KCNH8: variants seen among roughly 807,000 people sequenced by gnomAD.
KCNH8 encodes potassium voltage-gated channel subfamily H member 8.
Under a neutral mutation model 103.6 loss-of-function variants are expected in KCNH8, and 70 were observed. The ratio of observed to expected loss-of-function variants is 0.68; its 90% CI spans 0.56 to 0.82. The LOEUF is 0.82. KCNH8 is among the 40% of genes least tolerant of loss of function. KCNH8 has a pLI of 0.00. For missense variants in KCNH8, 1,217 were observed against 1,329.9 expected (o/e 0.92, Z 1.32); for synonymous variants, 498 against 489.4 (o/e 1.02, Z -0.23).
intron 10 of KCNH8, 141 bp from the exon 11 acceptor site, chr3:19,456,627 G>T (rs1269859900): frequency 4.9e-6 from 3 of 609,698 alleles, no homozygotes; most frequent in Admixed American, 2.9e-5. Flanking sequence ...GTATGCCAAA[G>T]TTGAAAAGCC....
intron 1 of KCNH8, among the ~76,000 whole-genome samples, chr3:19,199,677 C>T (rs1372581463): frequency 1.3e-5 from 2 of 150,970 alleles, no homozygotes; most frequent in Non-Finnish European, 3.0e-5. Context: ...GCAATGAGTA[C>T]CTAAATTTTC....
At chr3:19,232,649 C>T (rs780427090) in intron 1 of KCNH8, among the ~76,000 whole-genome samples, 33 of 152,276 alleles carry the variant, frequency 2.2e-4, no homozygotes, top group South Asian at 1.2e-3. Flanking sequence ...ACACTGTTTC[C>T]CGTTTGGCTT....
intron 1 of KCNH8, among the ~76,000 whole-genome samples, chr3:19,215,388 G>C (rs923796986): frequency 2.6e-5 from 4 of 152,164 alleles, no homozygotes; most frequent in Admixed American, 6.5e-5. Flanking sequence ...CAGAGACCTG[G>C]GAGAACCATG....
At chr3:19,404,985 T>C (rs759648857) in intron 7 of KCNH8, among the ~76,000 whole-genome samples, 1 of 151,814 alleles carries the variant, frequency 6.6e-6, no homozygotes, top group Admixed American at 6.6e-5. Flanking sequence ...GCAGGTAGAA[T>C]AGAGGACATT....
intron 15 of KCNH8, among the ~76,000 whole-genome samples, chr3:19,526,953 A>C (rs995815879): frequency 4.6e-5 from 7 of 151,978 alleles, no homozygotes; most frequent in Admixed American, 1.3e-4. Flanking sequence ...TACTGTAAAG[A>C]GCAATAAATA....
chr3:19,286,601 A>G (rs995265642), intron 3 of KCNH8, among the ~76,000 whole-genome samples: 1 of 152,220 alleles, frequency 6.6e-6, no homozygotes, highest in Non-Finnish European at 1.5e-5. Flanking sequence ...TGAGGATACC[A>G]TAATCCACTG....
chr3:19,283,432 A>G (rs1658560151), intron 3 of KCNH8, among the ~76,000 whole-genome samples: 1 of 152,188 alleles, frequency 6.6e-6, no homozygotes, highest in African/African-American at 2.4e-5. Flanking sequence ...CATTAATTAT[A>G]TTGTGCAAAA....
intron 11 of KCNH8, among the ~76,000 whole-genome samples, chr3:19,495,557 G>C (rs1255144210): frequency 2.0e-5 from 3 of 152,024 alleles, no homozygotes; most frequent in African/African-American, 7.2e-5. Context: ...CTGTTCCATT[G>C]GTCTATATGT....
At chr3:19,176,500 G>A (rs2063400896) in intron 1 of KCNH8, among the ~76,000 whole-genome samples, 2 of 151,830 alleles carry the variant, frequency 1.3e-5, no homozygotes, top group African/African-American at 4.8e-5. Context: ...TTTTAATATG[G>A]AAGACACATT....
At chr3:19,437,034 T>C (rs2067209826) in intron 7 of KCNH8, among the ~76,000 whole-genome samples, 1 of 152,158 alleles carries the variant, frequency 6.6e-6, no homozygotes, top group Non-Finnish European at 1.5e-5. Flanking sequence ...AAATTTGCAT[T>C]TTAATTACCT....
intron 7 of KCNH8, among the ~76,000 whole-genome samples, chr3:19,435,645 C>T (rs898658733): frequency 6.6e-6 from 1 of 152,120 alleles, no homozygotes; most frequent in African/African-American, 2.4e-5. Flanking sequence ...TAAGTACTTG[C>T]TGATTATTTC....
intron 4 of KCNH8, 81 bp downstream of exon 4, chr3:19,342,795 T>G: frequency 4.5e-6 from 6 of 1,329,198 alleles, no homozygotes; most frequent in South Asian, 1.3e-5. Flanking sequence ...AGGCCTCAAT[T>G]ACCCATTTAT....
At chr3:19,261,104 AAT>A (rs2064429315) in intron 2 of KCNH8, among the ~76,000 whole-genome samples, 1 of 150,586 alleles carries the variant, frequency 6.6e-6, no homozygotes, top group African/African-American at 2.4e-5. Context: ...TTTTTCTTTT[AAT>A]ATATACTCAG....
intron 3 of KCNH8, among the ~76,000 whole-genome samples, chr3:19,330,243 C>T (rs1210027809): frequency 6.6e-6 from 1 of 152,122 alleles, no homozygotes; most frequent in Non-Finnish European, 1.5e-5. Flanking sequence ...AGGCTCAGAC[C>T]AGAGGCCAGT....
At chr3:19,187,384 TG>T (rs2063512652) in intron 1 of KCNH8, among the ~76,000 whole-genome samples, 1 of 152,000 alleles carries the variant, frequency 6.6e-6, no homozygotes, top group Non-Finnish European at 1.5e-5. Context: ...AATAAATAAT[TG>T]TCATGAAATA....
chr3:19,159,573 A>C (rs2063214614), intron 1 of KCNH8, among the ~76,000 whole-genome samples: 1 of 152,094 alleles, frequency 6.6e-6, no homozygotes, highest in African/African-American at 2.4e-5. Context: ...ATTGGTTGGC[A>C]GATCTCCAGT....
chr3:19,495,547 C>A (rs2068420977), intron 11 of KCNH8, among the ~76,000 whole-genome samples: 1 of 152,100 alleles, frequency 6.6e-6, no homozygotes. Flanking sequence ...GATCTCTATT[C>A]TGTTCCATTG....
intron 8 of KCNH8, among the ~76,000 whole-genome samples, chr3:19,447,017 C>T (rs539082222): frequency 6.6e-6 from 1 of 151,896 alleles, no homozygotes; most frequent in Non-Finnish European, 1.5e-5. Context: ...AAAAAAGAGA[C>T]GCCCACACAC....
intron 5 of KCNH8, among the ~76,000 whole-genome samples, chr3:19,386,949 A>G (rs769182133): frequency 1.6e-4 from 25 of 152,098 alleles, no homozygotes; most frequent in Non-Finnish European, 3.1e-4. Context: ...TTCTTCCTCA[A>G]CACAATCTTT....
Sources: gnomAD v4.1 joint callset for allele counts (sites outside exome capture counted in the v4.1 genomes callset) on GRCh38, gnomAD v4.1.1 for gene constraint, MANE v1.5 for transcripts, NCBI Gene and HGNC (gene_info 2026-07-23, HGNC 2026-07-21) for gene names.